DHX34: variants seen among roughly 807,000 people sequenced by gnomAD.
DHX34 encodes the protein DExH-box helicase 34.
Under a neutral mutation model 111.1 loss-of-function variants are expected in DHX34, and 96 were observed. The observed-to-expected ratio is 0.86, with a 90% confidence interval of 0.73 to 1.02. The LOEUF (loss-of-function observed/expected upper bound fraction) is 1.02, where lower values mean the gene tolerates loss of function less well. Among genes scored for constraint, DHX34 ranks in the 50% least tolerant of loss-of-function variants. The pLI is 0.00. For missense variants in DHX34, 1,560 were observed against 1,579.9 expected (o/e 0.99, Z 0.21); for synonymous variants, 688 against 670.4 (o/e 1.03, Z -0.41).
chr19:47,377,191 C>T lies in DHX34; in HGVS notation c.2691C>T (p.Arg897=). ...TNKPYLVNCV[R]IPALQSLLLF... is the part of the protein sequence containing the mutation. Reference sequence around the variant, plus strand: ...AGCCGTACCTGGTGAACTGCGTCCGCATCCCTGCCCTCCAGGTGGGCCTCT... The same window carrying T: ...AGCCGTACCTGGTGAACTGCGTCCGTATCCCTGCCCTCCAGGTGGGCCTCT... The change falls in exon 13 of 17, where the codon CGC becomes CGT. Residue 897 remains arginine, a synonymous_variant. Transcript: ENST00000328771. 6.2e-7 allele frequency: 1 copy of T among 1,613,606 alleles called. No homozygotes were observed. The highest frequency in any genetic ancestry group is 8.5e-7 in the Non-Finnish European group (1 of 1,179,826).
chr19:47,373,574 C>G (rs1209247845), intron 8 of DHX34, 25 bp from the exon 9 acceptor site: 3 of 1,608,016 alleles, frequency 1.9e-6, no homozygotes, highest in Non-Finnish European at 2.5e-6. Context: ...GGCCCTGACA[C>G]CCTGGCGTCT....
Position 47,353,333 on chromosome 19 carries a change from C to T in DHX34, c.303C>T (p.Asp101=), listed in dbSNP as rs1969347372. 6.2e-7 allele frequency: 1 copy of T among 1,614,074 alleles called. No homozygotes were observed. The highest frequency in any genetic ancestry group is 1.1e-5 in the South Asian group (1 of 91,090). ...PALADLPRTY[D]PRYRINLSVL... is the part of the protein sequence containing the mutation. ...TGGCCGACCTACCTCGCACTTACGACCCACGTTACCGCATCAACCTCTCTG... is the reference window on the plus strand; with the variant it reads ...TGGCCGACCTACCTCGCACTTACGATCCACGTTACCGCATCAACCTCTCTG... The change falls in exon 2 of 17, where the codon GAC becomes GAT. Residue 101 remains aspartate, a synonymous_variant. Coordinates refer to ENST00000328771, the MANE Select transcript of DHX34 (RefSeq NM_014681.6). The surrounding 1 kb of genome is among the most constrained non-coding windows in gnomAD (Gnocchi z 4.6).
intron 7 of DHX34, 136 bp from the exon 8 acceptor site, chr19:47,372,594 T>C (rs1969997100): frequency 7.1e-7 from 1 of 1,412,980 alleles, no homozygotes; most frequent in African/African-American, 1.5e-5. Flanking sequence ...TCCATCTGGG[T>C]CACAAGACCC....
intron 10 of DHX34, 57 bp downstream of exon 10, chr19:47,375,765 C>T: frequency 6.4e-7 from 1 of 1,556,234 alleles, no homozygotes; most frequent in Non-Finnish European, 8.6e-7. Context: ...TTGGCCTCTC[C>T]TGGGGGGGTC....
chr19:47,363,250 G>A (rs1183820771), intron 6 of DHX34, among the ~76,000 whole-genome samples: 20 of 151,884 alleles, frequency 1.3e-4, no homozygotes, highest in African/African-American at 3.9e-4. Context: ...CACCGCGCCC[G>A]GCCTAACTTT....
intron 1 of DHX34, among the ~76,000 whole-genome samples, chr19:47,351,338 G>A (rs1051540234): frequency 3.3e-5 from 5 of 150,746 alleles, no homozygotes; most frequent in South Asian, 2.2e-4. Flanking sequence ...CCAGGTGCCC[G>A]CCACCACACC....
intron 6 of DHX34, among the ~76,000 whole-genome samples, chr19:47,365,558 G>A (rs909714108): frequency 2.6e-5 from 4 of 152,088 alleles, no homozygotes; most frequent in Non-Finnish European, 4.4e-5. Context: ...GGCCTATAAA[G>A]GTTTTTAAAT....
At chr19:47,381,144 G>A in intron 15 of DHX34, 42 bp from the exon 16 acceptor site, 1 of 1,607,058 alleles carries the variant, frequency 6.2e-7, no homozygotes, top group African/African-American at 1.3e-5. Context: ...GTGGTGGGTG[G>A]CACTTGGCGG....
rs932957501 is a variant in DHX34, at chr19:47,355,127, A to G, written c.794A>G (p.Gln265Arg). Reference sequence around the variant, plus strand: ...GTGGGGCTGCTCCTGCGACAAATCCAGCGGGAACCCAGCCTGCCCCAGTAT... The same window carrying G: ...GTGGGGCTGCTCCTGCGACAAATCCGGCGGGAACCCAGCCTGCCCCAGTAT... ...LTVGLLLRQI[Q>R]REPSLPQYEV... Residue 265 changes from glutamine to arginine, a missense_variant, in exon 3 of 17, where the codon CAG (glutamine) becomes CGG (arginine). Transcript: ENST00000328771. 2 of 1,613,870 alleles carry G rather than the reference A, an allele frequency of 1.2e-6. No individual in the cohort carries two copies. Among genetic ancestry groups the G allele is most frequent in the East Asian group, 4.5e-5 (2 of 44,840 alleles).
At chr19:47,358,296 A>G (rs1391554022) in intron 4 of DHX34, among the ~76,000 whole-genome samples, 176 bp downstream of exon 4, 1 of 152,210 alleles carries the variant, frequency 6.6e-6, no homozygotes, top group East Asian at 1.9e-4. Flanking sequence ...CCCGGAGCCC[A>G]TGCTCTAAAC....
chr19:47,377,660 A>C (rs1380351829), intron 13 of DHX34, among the ~76,000 whole-genome samples: 4 of 150,252 alleles, frequency 2.7e-5, no homozygotes, highest in African/African-American at 5.0e-5. Flanking sequence ...TGGCCTGCAC[A>C]GAGGCTCCGA....
Position 47,372,845 on chromosome 19 carries a change from C to T in DHX34, c.1884C>T (p.Cys628=), listed in dbSNP as rs778089864. 20 of 1,612,286 alleles carry T rather than the reference C, an allele frequency of 1.2e-5. No individual in the cohort carries two copies. Among genetic ancestry groups the T allele is most frequent in the Admixed American group, 1.7e-5 (1 of 59,946 alleles). ...FTRSAQSSPE[C]AAARRPLESD... is the part of the protein sequence containing the mutation. ...GCAGCGCCCAGAGCAGCCCAGAGTGCGCGGCAGCACGGCGGCCGCTGGAGA... is the reference window on the plus strand; with the variant it reads ...GCAGCGCCCAGAGCAGCCCAGAGTGTGCGGCAGCACGGCGGCCGCTGGAGA... The change falls in exon 8 of 17, where the codon TGC becomes TGT. Residue 628 remains cysteine, a synonymous_variant. Coordinates refer to ENST00000328771, the MANE Select transcript of DHX34 (RefSeq NM_014681.6).
At chr19:47,366,660 G>C (rs982026440) in intron 6 of DHX34, among the ~76,000 whole-genome samples, 3 of 151,506 alleles carry the variant, frequency 2.0e-5, no homozygotes, top group Non-Finnish European at 1.5e-5. Context: ...GGCTTACTGC[G>C]ATCTCCACCT....
Position 47,375,994 on chromosome 19 carries a change from G to T in DHX34, c.2378G>T (p.Ser793Ile), listed in dbSNP as rs773275625. The T allele has an allele frequency of 6.2e-7, 1 of 1,605,880 alleles. No homozygotes were observed. Among genetic ancestry groups the T allele is most frequent in the Non-Finnish European group, 8.5e-7 (1 of 1,177,820 alleles). ...GCTGCCAGCTCAGCCCAGGACCTGA[G>T]CCGCGAGCAGCTGGCTCTGCTGAAG... Reference protein sequence around the residue: ...QAAASSAQDLSREQLALLKLV... With the variant: ...QAAASSAQDLIREQLALLKLV... Residue 793 changes from serine to isoleucine, a missense_variant, in exon 11 of 17, where the codon AGC becomes ATC. Coordinates refer to ENST00000328771, the MANE Select transcript of DHX34 (RefSeq NM_014681.6).
intron 6 of DHX34, 124 bp from the exon 7 acceptor site, chr19:47,366,857 A>G (rs1202108422): frequency 2.2e-6 from 3 of 1,379,236 alleles, no homozygotes; most frequent in Non-Finnish European, 2.8e-6. Flanking sequence ...TACAGGCATG[A>G]GCCACAACGC....
At chr19:47,363,147 G>T (rs966308594) in intron 6 of DHX34, among the ~76,000 whole-genome samples, 1 of 151,824 alleles carries the variant, frequency 6.6e-6, no homozygotes, top group Non-Finnish European at 1.5e-5. Flanking sequence ...GTAGAGATGG[G>T]GTTACACCAT....
At chr19:47,368,951 T>C (rs1375370508) in intron 7 of DHX34, among the ~76,000 whole-genome samples, 3 of 152,050 alleles carry the variant, frequency 2.0e-5, no homozygotes, top group African/African-American at 7.2e-5. Flanking sequence ...TGGTGTGATC[T>C]CAGCTAACTG....
intron 1 of DHX34, among the ~76,000 whole-genome samples, chr19:47,352,149 C>G (rs1464765176): frequency 6.6e-6 from 1 of 152,176 alleles, no homozygotes; most frequent in Non-Finnish European, 1.5e-5. Flanking sequence ...ATCCCCTCCT[C>G]CCAGGATCCT....
chr19:47,381,227 G>T lies in DHX34; in HGVS notation c.3201G>T (p.Trp1067Cys). The change falls in exon 16 of 17, where the codon TGG (tryptophan) becomes TGT (cysteine). Residue 1067 changes from tryptophan (W) to cysteine (C), a missense_variant. Coordinates refer to ENST00000328771, the MANE Select transcript of DHX34 (RefSeq NM_014681.6). Reference sequence around the variant, plus strand: ...ACAGCGACTGTCTCCGAACCTTCTGGACCTGCCCCCACTGTGGCCTGCATG... The same window carrying T: ...ACAGCGACTGTCTCCGAACCTTCTGTACCTGCCCCCACTGTGGCCTGCATG... ...DLYSDCLRTF[W>C]TCPHCGLHAP... 6.2e-7 allele frequency: 1 copy of T among 1,614,084 alleles called. No homozygotes were observed. Among genetic ancestry groups the T allele is most frequent in the Non-Finnish European group, 8.5e-7 (1 of 1,179,972 alleles).
Sources: allele counts gnomAD v4.1 joint callset (sites outside exome capture counted in the v4.1 genomes callset), GRCh38; gene constraint gnomAD v4.1.1; non-coding constraint Gnocchi (gnomAD v3.1); transcripts MANE v1.5; gene names NCBI Gene and HGNC (gene_info 2026-07-23, HGNC 2026-07-21).